Variants in ELOVL6 observed in about 807,000 individuals in gnomAD.
The protein encoded by ELOVL6 is ELOVL fatty acid elongase 6.
Under a neutral mutation model 31.7 loss-of-function variants are expected in ELOVL6, and 8 were observed. That is an observed-to-expected ratio of 0.25 (90% confidence interval 0.15 to 0.45). The LOEUF is 0.45. Ranked by LOEUF, ELOVL6 falls within the 20% of genes least tolerant of loss-of-function variation. ELOVL6 has a pLI of 1.00. For synonymous variants in ELOVL6, 101 were observed against 117.7 expected (o/e 0.86, Z 0.92); for missense variants, 126 against 326.4 (o/e 0.39, Z 4.73).
chr4:110,050,850 A>G lies in ELOVL6; in HGVS notation c.*488T>C, dbSNP rs1474626241. On this transcript the variant is annotated 3_prime_UTR_variant, in exon 4 of 4. Coordinates refer to ENST00000302274, the MANE Select transcript of ELOVL6 (RefSeq NM_024090.3). ...AAAAGCATTATCGTTCTAGATATAC[A>G]CCCTGTGTCTCTTTCATTTTTGTCT... The G allele has an allele frequency of 6.2e-6, 1 of 160,676 alleles. No individual in the cohort carries two copies. The highest frequency in any genetic ancestry group is 1.4e-5 in the Non-Finnish European group (1 of 73,068). 10.0% of individuals were successfully genotyped at this position (160,676 alleles called of 1,614,324 possible).
At chr4:110,154,423 T>A (rs942558917) in intron 1 of ELOVL6, among the ~76,000 whole-genome samples, 1 of 152,014 alleles carries the variant, frequency 6.6e-6, no homozygotes, top group African/African-American at 2.4e-5. Flanking sequence ...CCTGACTAAT[T>A]TTTGTATTTT....
At chr4:110,083,637 T>C (rs1420467465) in intron 2 of ELOVL6, among the ~76,000 whole-genome samples, 6 of 151,700 alleles carry the variant, frequency 4.0e-5, no homozygotes, top group Non-Finnish European at 8.8e-5. Flanking sequence ...GTATTTTTAA[T>C]AATACAGGCT....
intron 1 of ELOVL6, among the ~76,000 whole-genome samples, chr4:110,170,571 C>T (rs193222927): frequency 6.6e-6 from 1 of 152,194 alleles, no homozygotes; most frequent in African/African-American, 2.4e-5. Flanking sequence ...AAACAAATGT[C>T]CTTTTTGCAG....
At position 110,084,036 on chromosome 4, in the gene ELOVL6, T is replaced by C. The variant is rs1371811127; in HGVS notation, c.221+21461A>G. On this transcript the variant is annotated intron_variant, in intron 2 of 3. Coordinates refer to ENST00000302274, the MANE Select transcript of ELOVL6 (RefSeq NM_024090.3). ...GGTATATAACATATGCCATATATGG[T>C]ATATAACACATGCTATATATGATAT... Among the ~76,000 whole-genome samples the C allele has an allele frequency of 8.5e-4, 22 of 25,912 alleles. 3 individuals carry two copies. Among genetic ancestry groups the C allele is most frequent in the East Asian group, 6.1e-3 (3 of 492 alleles). 17.0% of individuals were successfully genotyped at this position (25,912 alleles called of 152,430 possible). A position where few individuals can be genotyped will look rare whatever the true frequency, so the allele number is the denominator to read the frequency against.
At position 110,198,531 on chromosome 4, in the gene ELOVL6, C is replaced by G. The variant is rs1306689184; in HGVS notation, c.-196G>C. 2 of 541,938 alleles carry G rather than the reference C, an allele frequency of 3.7e-6. No individual in the cohort carries two copies. Among genetic ancestry groups the G allele is most frequent in the South Asian group, 4.9e-5 (2 of 40,926 alleles). 33.6% of individuals were successfully genotyped at this position (541,938 alleles called of 1,614,324 possible). On this transcript the variant is annotated 5_prime_UTR_variant, in exon 1 of 4. Transcript: ENST00000302274. ...CAGGGCTGAGCATTGCCTGCGCCTC[C>G]GCTCCCAGCTCCTCTCTCTGGGGCT...
intron 1 of ELOVL6, among the ~76,000 whole-genome samples, chr4:110,142,858 T>G (rs1033421991): frequency 1.3e-5 from 2 of 152,196 alleles, no homozygotes; most frequent in Non-Finnish European, 2.9e-5. Context: ...TAAATTGTGG[T>G]TTTACCTTCT....
At chr4:110,132,541 T>C (rs1757697684) in intron 1 of ELOVL6, among the ~76,000 whole-genome samples, 1 of 151,858 alleles carries the variant, frequency 6.6e-6, no homozygotes, top group African/African-American at 2.4e-5. Context: ...AGTGGCCTTT[T>C]AGAGGCTAGG....
At chr4:110,084,561 C>CAT (rs869189430) in intron 2 of ELOVL6, among the ~76,000 whole-genome samples, 3 of 61,188 alleles carry the variant, frequency 4.9e-5, no homozygotes, top group Non-Finnish European at 8.0e-5. Flanking sequence ...CACACACACA[C>CAT]AGATATATAT....
intron 2 of ELOVL6, among the ~76,000 whole-genome samples, chr4:110,080,490 C>T (rs1186615714): frequency 6.6e-6 from 1 of 152,168 alleles, no homozygotes; most frequent in East Asian, 1.9e-4. Context: ...ATGACAAAAA[C>T]CACATGATTA....
intron 1 of ELOVL6, among the ~76,000 whole-genome samples, chr4:110,179,939 A>C (rs974716903): frequency 1.3e-5 from 2 of 152,178 alleles, no homozygotes; most frequent in African/African-American, 4.8e-5. Context: ...TCAGCTTCAC[A>C]CTCCCTATTC....
chr4:110,178,322 C>T (rs1275641778), intron 1 of ELOVL6, among the ~76,000 whole-genome samples: 1 of 151,900 alleles, frequency 6.6e-6, no homozygotes, highest in Non-Finnish European at 1.5e-5. Flanking sequence ...CCAAGGTGGG[C>T]GGATCTTGAG....
chr4:110,077,903 T>C (rs1291270096), intron 2 of ELOVL6, among the ~76,000 whole-genome samples: 1 of 152,152 alleles, frequency 6.6e-6, no homozygotes, highest in Non-Finnish European at 1.5e-5. Context: ...AAGGACCTGA[T>C]GGAGCTGAAA....
chr4:110,121,061 A>G (rs1757344812), intron 1 of ELOVL6, among the ~76,000 whole-genome samples: 1 of 152,058 alleles, frequency 6.6e-6, no homozygotes, highest in Admixed American at 6.5e-5. Flanking sequence ...TCGGCCTCCC[A>G]AAGTGCTGAG....
At chr4:110,185,892 A>T (rs1160611127) in intron 1 of ELOVL6, among the ~76,000 whole-genome samples, 2 of 152,290 alleles carry the variant, frequency 1.3e-5, no homozygotes, top group East Asian at 3.9e-4. Context: ...GAGAAGAATA[A>T]GAAAATGATT....
intron 3 of ELOVL6, among the ~76,000 whole-genome samples, chr4:110,059,266 C>A (rs1228987414): frequency 2.0e-5 from 3 of 152,178 alleles, no homozygotes; most frequent in Non-Finnish European, 2.9e-5. Flanking sequence ...TTGCTCTTTT[C>A]TTCCCCCATG....
intron 1 of ELOVL6, among the ~76,000 whole-genome samples, chr4:110,159,254 C>G (rs1399639180): frequency 6.6e-6 from 1 of 152,022 alleles, no homozygotes; most frequent in Non-Finnish European, 1.5e-5. Flanking sequence ...GCCCAGATAC[C>G]AGGGCAAACC....
intron 1 of ELOVL6, among the ~76,000 whole-genome samples, chr4:110,154,148 C>G (rs1412048905): frequency 6.6e-6 from 1 of 152,208 alleles, no homozygotes; most frequent in Non-Finnish European, 1.5e-5. Context: ...GCAATCATGG[C>G]TCACCACAGC....
intron 2 of ELOVL6, among the ~76,000 whole-genome samples, chr4:110,077,456 A>G (rs1216665636): frequency 6.6e-6 from 1 of 152,150 alleles, no homozygotes; most frequent in South Asian, 2.1e-4. Flanking sequence ...TGCAGCCTCC[A>G]CTGCTGATAC....
intron 1 of ELOVL6, among the ~76,000 whole-genome samples, chr4:110,159,794 C>G (rs189829521): frequency 6.6e-6 from 1 of 152,282 alleles, no homozygotes; most frequent in Admixed American, 6.5e-5. Flanking sequence ...CTCTCTAACA[C>G]TCAGATGACT....
Sources: gnomAD v4.1 joint callset for allele counts (sites outside exome capture counted in the v4.1 genomes callset) on GRCh38, gnomAD v4.1.1 for gene constraint, MANE v1.5 for transcripts, NCBI Gene and HGNC (gene_info 2026-07-23, HGNC 2026-07-21) for gene names.